The following COL15A1 variants were observed in gnomAD, a reference collection of about 807,000 sequenced individuals.
COL15A1 encodes collagen type XV alpha 1 chain, also known as collagen alpha-1(XV) chain.
A neutral mutation model predicts 165.9 loss-of-function variants in COL15A1; 111 were observed. The observed-to-expected ratio is 0.67, with a 90% CI of 0.57 to 0.78. COL15A1 has a LOEUF of 0.78. Among genes scored for constraint, COL15A1 ranks in the 30% least tolerant of loss-of-function variants. The probability of loss-of-function intolerance (pLI) is 0.00; values close to 1 mark genes in which losing one functional copy is unlikely to be tolerated. For synonymous variants in COL15A1, 659 were observed against 674.8 expected (o/e 0.98, Z 0.36); for missense variants, 1,745 against 1,789.7 (o/e 0.98, Z 0.45).
intron 16 of COL15A1, among the ~76,000 whole-genome samples, chr9:99,032,726 T>G (rs961657546): frequency 6.6e-6 from 1 of 152,232 alleles, no homozygotes; most frequent in African/African-American, 2.4e-5. Flanking sequence ...CTAGGTCTTT[T>G]TACCCTCTTG....
chr9:99,032,125 T>C (rs1839220248), intron 16 of COL15A1, among the ~76,000 whole-genome samples: 1 of 152,126 alleles, frequency 6.6e-6, no homozygotes, highest in Admixed American at 6.5e-5. Flanking sequence ...TTATTGTTCT[T>C]TATTCTTGGT....
intron 2 of COL15A1, among the ~76,000 whole-genome samples, chr9:98,973,334 C>T (rs1337926841): frequency 2.0e-5 from 3 of 151,848 alleles, no homozygotes; most frequent in Non-Finnish European, 2.9e-5. Flanking sequence ...ATATGAAAAC[C>T]GGAAAAGAGA....
Position 99,067,062 on chromosome 9 carries a change from C to G in COL15A1, c.3832C>G (p.Leu1278Val), listed in dbSNP as rs770430869. Residue 1278 changes from leucine to valine, a missense_variant, in exon 40 of 42, where the codon CTC (leucine) becomes GTC (valine). Physicochemically the swap from Leu to Val is conservative, Grantham distance 32. Transcript: ENST00000375001. ...GAGATACAGCCTTCCCATAGTGAACCTCAAGGTAAAAATAAATATGGTTCC... is the reference window on the plus strand; with the variant it reads ...GAGATACAGCCTTCCCATAGTGAACGTCAAGGTAAAAATAAATATGGTTCC... ...AERYSLPIVN[L>V]KGQVLFNNWD... The G allele has an allele frequency of 6.2e-7, 1 of 1,612,252 alleles. No individual in the cohort carries two copies. Among genetic ancestry groups the G allele is most frequent in the Non-Finnish European group, 8.5e-7 (1 of 1,179,036 alleles).
intron 19 of COL15A1, 34 bp from the exon 20 acceptor site, chr9:99,036,136 C>T (rs1408339838): frequency 3.8e-6 from 6 of 1,570,456 alleles, no homozygotes; most frequent in Non-Finnish European, 1.8e-6. Flanking sequence ...AGCAAAGTGA[C>T]TAGAAGAATA....
At chr9:99,002,096 C>T (rs1216680791) in intron 7 of COL15A1, among the ~76,000 whole-genome samples, 1 of 142,396 alleles carries the variant, frequency 7.0e-6, no homozygotes, top group Non-Finnish European at 1.5e-5. Context: ...TCTCCCCTTT[C>T]CCTCTCACCT....
chr9:99,048,271 G>A (rs934883331), intron 28 of COL15A1, among the ~76,000 whole-genome samples: 7 of 152,166 alleles, frequency 4.6e-5, no homozygotes, highest in Non-Finnish European at 8.8e-5. Context: ...CTCAGAAAAT[G>A]TGGTTCCAAA....
chr9:99,025,795 G>C lies in COL15A1; in HGVS notation c.1981-109G>C, dbSNP rs370187159. The C allele has an allele frequency of 1.8e-5, 21 of 1,159,300 alleles. No individual in the cohort carries two copies. In the South Asian group the frequency reaches 2.4e-4, roughly 13 times the overall value. 71.8% of individuals were successfully genotyped at this position (1,159,300 alleles called of 1,614,324 possible). ...GCCTTGCACCTGACATGAGGCCCTG[G>C]GCCCACCAGCCTCACCTGCCTCCCA... On this transcript the variant is annotated intron_variant, in intron 15 of 41. Coordinates refer to ENST00000375001, the MANE Select transcript of COL15A1 (RefSeq NM_001855.5).
intron 30 of COL15A1, among the ~76,000 whole-genome samples, chr9:99,050,712 C>A (rs776618509): frequency 6.6e-6 from 1 of 152,224 alleles, no homozygotes; most frequent in Non-Finnish European, 1.5e-5. Context: ...GGGGACACAA[C>A]GGTGAACTAG....
chr9:99,036,200 C>T lies in COL15A1; in HGVS notation c.2320C>T (p.Pro774Ser), dbSNP rs1839298545. 1 of 1,613,486 alleles carries T rather than the reference C, an allele frequency of 6.2e-7. No homozygotes were observed. Among genetic ancestry groups the T allele is most frequent in the Middle Eastern group, 1.7e-4 (1 of 6,048 alleles). ...GLKGEKGDRG[P>S]KGERGMDGAS... ...CAAAGGAGAGAAAGGAGACCGGGGA[C>T]CCAAGGTGAGGTCACAGAGCCAAGG... The change falls in exon 20 of 42, where the codon CCC becomes TCC. Residue 774 changes from proline to serine, a missense_variant. Physicochemically the swap from Pro to Ser is moderately conservative, Grantham distance 74. Coordinates refer to ENST00000375001, the MANE Select transcript of COL15A1 (RefSeq NM_001855.5).
At chr9:98,990,846 G>A (rs1365706242) in intron 5 of COL15A1, among the ~76,000 whole-genome samples, 1 of 152,212 alleles carries the variant, frequency 6.6e-6, no homozygotes, top group Non-Finnish European at 1.5e-5. Context: ...CCGACTTCAA[G>A]AATGAAACCA....
At chr9:98,944,531 A>G (rs1837544655) in intron 2 of COL15A1, among the ~76,000 whole-genome samples, 1 of 151,756 alleles carries the variant, frequency 6.6e-6, no homozygotes, top group Non-Finnish European at 1.5e-5. Flanking sequence ...GCAGAGAGGG[A>G]CTTCAGAAAC....
chr9:98,976,232 G>T (rs1838140709), intron 2 of COL15A1, among the ~76,000 whole-genome samples: 4 of 152,246 alleles, frequency 2.6e-5, no homozygotes, highest in Admixed American at 2.6e-4. Context: ...CATTGGAAAT[G>T]AAGCTATCTC....
rs911635462 is a variant in COL15A1, at chr9:99,069,856, A to G, written c.4137A>G (p.Glu1379=). The change falls in exon 42 of 42, where the codon GAA becomes GAG. Residue 1379 remains glutamate (E), a synonymous_variant. Transcript: ENST00000375001. ...ATCGGCTAATTGTCCTATGTATCGA[A>G]AACAGTTTCATGACAGACGCTAGGA... ...CANRLIVLCI[E]NSFMTDARK The G allele has an allele frequency of 3.7e-6, 6 of 1,613,354 alleles. No individual in the cohort carries two copies. In the Admixed American group the frequency reaches 5.0e-5, roughly 13 times the overall value.
At chr9:98,953,043 A>T (rs1035523047) in intron 2 of COL15A1, among the ~76,000 whole-genome samples, 1 of 152,184 alleles carries the variant, frequency 6.6e-6, no homozygotes, top group Admixed American at 6.5e-5. Context: ...TCTGCATGGT[A>T]TGATTAGATA....
chr9:99,056,023 C>T (rs925242535), intron 34 of COL15A1, among the ~76,000 whole-genome samples: 27 of 152,188 alleles, frequency 1.8e-4, no homozygotes, highest in Admixed American at 2.0e-4. Context: ...TAGATGATCT[C>T]CAAGGTCCCT....
chr9:99,034,815 T>C (rs1316521789), intron 17 of COL15A1, among the ~76,000 whole-genome samples, 199 bp from the exon 18 acceptor site: 1 of 152,174 alleles, frequency 6.6e-6, no homozygotes, highest in East Asian at 1.9e-4. Context: ...TCCAAATGCA[T>C]TCAAATGAGT....
intron 16 of COL15A1, among the ~76,000 whole-genome samples, chr9:99,033,189 C>G (rs1212581669): frequency 6.6e-6 from 1 of 152,138 alleles, no homozygotes; most frequent in African/African-American, 2.4e-5. Context: ...CTGAGACATG[C>G]AGGGTTCAGG....
At chr9:99,058,313 G>A (rs555587799) in intron 35 of COL15A1, among the ~76,000 whole-genome samples, 6 of 152,348 alleles carry the variant, frequency 3.9e-5, no homozygotes, top group South Asian at 4.1e-4. Flanking sequence ...CTATGACCAG[G>A]AGGTCGGATC....
At chr9:98,961,969 G>A (rs1837872862) in intron 2 of COL15A1, among the ~76,000 whole-genome samples, 2 of 152,228 alleles carry the variant, frequency 1.3e-5, no homozygotes, top group Non-Finnish European at 2.9e-5. Flanking sequence ...CCCAGGCCAC[G>A]ACAGCTGCCT....
Sources: gnomAD v4.1 joint callset for allele counts (sites outside exome capture counted in the v4.1 genomes callset) on GRCh38, gnomAD v4.1.1 for gene constraint, MANE v1.5 for transcripts, NCBI Gene and HGNC (gene_info 2026-07-23, HGNC 2026-07-21) for gene names.